SORCS2: variants seen among roughly 807,000 people sequenced by gnomAD.
SORCS2 encodes the protein sortilin related VPS10 domain containing receptor 2, also known as VPS10 domain-containing receptor SorCS2.
SORCS2 carries 100 observed loss-of-function variants against 141.6 expected under a neutral mutation model. The observed-to-expected ratio is 0.71, with a 90% CI of 0.60 to 0.83. The LOEUF (loss-of-function observed/expected upper bound fraction) is 0.83. SORCS2 is among the 40% of genes least tolerant of loss of function. SORCS2 has a pLI of 0.00. For missense variants in SORCS2, 1,646 were observed against 1,560.2 expected, an observed-to-expected ratio of 1.05 and a Z score of -0.93; for synonymous variants, 789 against 676.9, an observed-to-expected ratio of 1.17 and a Z score of -2.57.
At chr4:7,255,729 T>G (rs939744537) in intron 1 of SORCS2, among the ~76,000 whole-genome samples, 3 of 152,106 alleles carry the variant, frequency 2.0e-5, no homozygotes, top group African/African-American at 7.2e-5. Context: ...TAACTAGGCC[T>G]GTGGTGTTAT....
At chr4:7,532,883 A>T (rs556810335) in intron 3 of SORCS2, among the ~76,000 whole-genome samples, 5 of 152,112 alleles carry the variant, frequency 3.3e-5, no homozygotes, top group East Asian at 3.9e-4. Context: ...CAGACTTGGA[A>T]TGCAGAGGTG....
At chr4:7,259,084 C>T (rs1034055403) in intron 1 of SORCS2, among the ~76,000 whole-genome samples, 3 of 152,198 alleles carry the variant, frequency 2.0e-5, no homozygotes, top group Non-Finnish European at 4.4e-5. Context: ...GTTGCCTGTT[C>T]ACTCTGATGA....
At chr4:7,608,793 T>C (rs957865384) in intron 3 of SORCS2, among the ~76,000 whole-genome samples, 4 of 140,292 alleles carry the variant, frequency 2.9e-5, no homozygotes, top group Admixed American at 7.0e-5. Context: ...CTGTTGTCTG[T>C]GGCTCAGCAT....
At chr4:7,282,127 G>C (rs1009034135) in intron 1 of SORCS2, among the ~76,000 whole-genome samples, 1 of 152,186 alleles carries the variant, frequency 6.6e-6, no homozygotes, top group Non-Finnish European at 1.5e-5. Context: ...ACTCAGCCCC[G>C]GGCCACCTTC....
intron 3 of SORCS2, among the ~76,000 whole-genome samples, chr4:7,569,846 AG>A (rs1715268733): frequency 6.6e-6 from 1 of 152,218 alleles, no homozygotes; most frequent in African/African-American, 2.4e-5. Flanking sequence ...AAGTGTCCTC[AG>A]CCCAAATAAA....
intron 2 of SORCS2, among the ~76,000 whole-genome samples, chr4:7,528,114 CA>C (rs34197602): frequency 2.5e-4 from 25 of 99,760 alleles, no homozygotes; most frequent in Non-Finnish European, 4.3e-4. Flanking sequence ...GCACAGTGTC[CA>C]CGCTGCCCAT....
intron 1 of SORCS2, among the ~76,000 whole-genome samples, chr4:7,293,594 GTA>G (rs1402408455): frequency 1.3e-5 from 2 of 152,316 alleles, no homozygotes; most frequent in East Asian, 3.9e-4. Context: ...TTTGTTGAAG[GTA>G]GTGAATGGTT....
intron 1 of SORCS2, among the ~76,000 whole-genome samples, chr4:7,343,221 C>T (rs1178015463): frequency 6.6e-6 from 1 of 152,184 alleles, no homozygotes; most frequent in Admixed American, 6.5e-5. Flanking sequence ...CAGCATGGGC[C>T]TCAGGGAGTC....
intron 2 of SORCS2, among the ~76,000 whole-genome samples, chr4:7,399,647 G>A (rs549604825): frequency 6.6e-6 from 1 of 152,260 alleles, no homozygotes; most frequent in South Asian, 2.1e-4. Context: ...GAAAGCCCCT[G>A]GTTGGCATCA....
At chr4:7,638,177 T>G (rs963727978) in intron 3 of SORCS2, 151 bp from the exon 4 acceptor site, 11 of 938,162 alleles carry the variant, frequency 1.2e-5, no homozygotes, top group East Asian at 3.0e-5. Flanking sequence ...TATCAGGAGG[T>G]GAAGGGGAGA....
At chr4:7,229,717 C>T (rs540269165) in intron 1 of SORCS2, among the ~76,000 whole-genome samples, 11 of 152,186 alleles carry the variant, frequency 7.2e-5, no homozygotes, top group Non-Finnish European at 1.3e-4. Flanking sequence ...CATGGTGTTC[C>T]GTGGTCAAGT....
chr4:7,666,960 G>A (rs1437790706), intron 7 of SORCS2, among the ~76,000 whole-genome samples, 164 bp from the exon 8 acceptor site: 1 of 152,034 alleles, frequency 6.6e-6, no homozygotes, highest in Non-Finnish European at 1.5e-5. Flanking sequence ...TTAATTTGGG[G>A]CTTTGAAGGA....
chr4:7,490,521 G>A (rs976945530), intron 2 of SORCS2, among the ~76,000 whole-genome samples: 2 of 106,530 alleles, frequency 1.9e-5, no homozygotes, highest in Admixed American at 8.6e-5. Flanking sequence ...CTGCCAGGGA[G>A]GTGGGGCTGC....
chr4:7,582,630 G>C (rs185354662), intron 3 of SORCS2, among the ~76,000 whole-genome samples: 51 of 151,900 alleles, frequency 3.4e-4, no homozygotes, highest in African/African-American at 1.1e-3. Flanking sequence ...CTCGACACAA[G>C]GGTTTGTAAA....
At chr4:7,501,010 G>T (rs1055023753) in intron 2 of SORCS2, among the ~76,000 whole-genome samples, 1 of 152,248 alleles carries the variant, frequency 6.6e-6, no homozygotes, top group Non-Finnish European at 1.5e-5. Context: ...CGTGCCCTCT[G>T]AGCCGCTACA....
chr4:7,458,048 C>G (rs1729033810), intron 2 of SORCS2, among the ~76,000 whole-genome samples: 1 of 152,220 alleles, frequency 6.6e-6, no homozygotes, highest in African/African-American at 2.4e-5. Flanking sequence ...TGCCCATTGA[C>G]CTGGTTGAGT....
chr4:7,566,643 T>C (rs1047505540), intron 3 of SORCS2, among the ~76,000 whole-genome samples: 1 of 152,250 alleles, frequency 6.6e-6, no homozygotes, highest in African/African-American at 2.4e-5. Context: ...GGCCTGTGGG[T>C]GGTCCCCCCT....
At chr4:7,716,362 T>A (rs1480047070) in intron 17 of SORCS2, among the ~76,000 whole-genome samples, 3 of 152,002 alleles carry the variant, frequency 2.0e-5, no homozygotes, top group Non-Finnish European at 4.4e-5. Flanking sequence ...CATCTACCCA[T>A]TTATCCACCC....
chr4:7,358,015 AC>A (rs958956443), intron 1 of SORCS2, among the ~76,000 whole-genome samples: 1 of 151,988 alleles, frequency 6.6e-6, no homozygotes, highest in Non-Finnish European at 1.5e-5. Context: ...ATATTTGTGT[AC>A]CCCCCATTCC....
Sources: gnomAD v4.1 joint callset for allele counts (sites outside exome capture counted in the v4.1 genomes callset) on GRCh38, gnomAD v4.1.1 for gene constraint, MANE v1.5 for transcripts, NCBI Gene and HGNC (gene_info 2026-07-23, HGNC 2026-07-21) for gene names.